Variants in C18orf63 observed in about 807,000 individuals in gnomAD.
C18orf63 encodes the protein chromosome 18 open reading frame 63.
Under a neutral mutation model 75.3 loss-of-function variants are expected in C18orf63, and 50 were observed. The ratio of observed to expected loss-of-function variants is 0.66; its 90% CI spans 0.53 to 0.84. C18orf63 has a LOEUF of 0.84. Among genes scored for constraint, C18orf63 ranks in the 40% least tolerant of loss-of-function variants. The pLI, the probability that C18orf63 is intolerant of heterozygous loss-of-function variation, is 0.00. For synonymous variants in C18orf63, 232 were observed against 267.6 expected (o/e 0.87, Z 1.30); for missense variants, 732 against 800.2 (o/e 0.91, Z 1.03).
intron 8 of C18orf63, among the ~76,000 whole-genome samples, chr18:74,339,978 A>G (rs907769790): frequency 1.3e-5 from 2 of 152,194 alleles, no homozygotes; most frequent in Non-Finnish European, 2.9e-5. Flanking sequence ...GTGAAAAAGC[A>G]CAGACAACAA....
chr18:74,329,748 A>G (rs550935115), intron 6 of C18orf63, among the ~76,000 whole-genome samples: 13 of 152,350 alleles, frequency 8.5e-5, no homozygotes, highest in African/African-American at 3.1e-4. Flanking sequence ...AGAGACACAG[A>G]TGATCTAAAG....
intron 11 of C18orf63, among the ~76,000 whole-genome samples, chr18:74,347,692 G>T (rs1248760972): frequency 6.6e-6 from 1 of 152,164 alleles, no homozygotes; most frequent in Non-Finnish European, 1.5e-5. Context: ...GATTCATGCA[G>T]TGTAAAAGGC....
rs1234378344 is a variant in C18orf63 at position 74,354,263 on chromosome 18, A to T, written c.1996A>T (p.Lys666Ter). The T allele has an allele frequency of 1.3e-6, 2 of 1,503,946 alleles. No homozygotes were observed. The highest frequency in any genetic ancestry group is 2.8e-5 in the African/African-American group (2 of 70,862). The allele number at this position is 1,503,946 out of a possible 1,614,324, so 93.2% of individuals were successfully genotyped here. ...VHYGQSSSSK[K>*]QILDSDKSKL... ...CTATGGCCAATCCAGTTCTTCTAAGAAGCAGGTAAAAAAAAAATTAATCTG... is the reference window on the plus strand; with the variant it reads ...CTATGGCCAATCCAGTTCTTCTAAGTAGCAGGTAAAAAAAAAATTAATCTG... Residue 666 changes from lysine to a stop codon, truncating the protein, a stop_gained, in exon 12 of 14, where the codon AAG becomes TAG. Transcript: ENST00000579455. LOFTEE classifies it high-confidence loss of function.
In C18orf63 at chr18:74,358,752, C is replaced by T. The variant is rs796545182; in HGVS notation, c.*2305C>T. 17 of 152,164 alleles carry T rather than the reference C, an allele frequency of 1.1e-4. No homozygotes were observed. Among genetic ancestry groups the T allele is most frequent in the African/African-American group, 3.4e-4 (14 of 41,540 alleles). The allele number at this position is 152,164 out of a possible 1,614,324, so 9.4% of individuals were successfully genotyped here. ...AGCGATTACTTTAAAAAATATATGGCAATGTCAAAATAAATGCCAAGAATC... is the reference window on the plus strand; with the variant it reads ...AGCGATTACTTTAAAAAATATATGGTAATGTCAAAATAAATGCCAAGAATC... On this transcript the variant is annotated 3_prime_UTR_variant, in exon 14 of 14. Coordinates refer to ENST00000579455, the MANE Select transcript of C18orf63 (RefSeq NM_001174123.2).
chr18:74,327,810 A>G lies in C18orf63; in HGVS notation c.271-137A>G, dbSNP rs17089112. 1,615 of 607,630 alleles carry G rather than the reference A, an allele frequency of 2.7e-3. 24 individuals are homozygous for G. The highest frequency in any genetic ancestry group is 0.026 in the African/African-American group (1,421 of 54,296). The allele number at this position is 607,630 out of a possible 1,614,324, so 37.6% of individuals were successfully genotyped here. On this transcript the variant is annotated intron_variant, in intron 4 of 13. Transcript: ENST00000579455. ...TTTAGAACCAGATGGGATTAGCTCT[A>G]GCAATGGCTATAAGTTTTACCTAGA...
Position 74,342,292 on chromosome 18 carries a change from A to G in C18orf63, c.760A>G (p.Ile254Val), listed in dbSNP as rs1984502055. Residue 254 changes from isoleucine to valine, a missense_variant, in exon 10 of 14, where the codon ATC becomes GTC. This residue lies in a region of C18orf63 where 495 missense variants were observed against 508.7 expected (regional missense o/e 0.97). Transcript: ENST00000579455. ...TGGAAAAATTAAAATATACTGCAACATCTATTTCAAAATGCTCGGAGAAAG... is the reference window on the plus strand; with the variant it reads ...TGGAAAAATTAAAATATACTGCAACGTCTATTTCAAAATGCTCGGAGAAAG... ...DCGKIKIYCN[I>V]YFKMLGERTF... 1 of 1,533,248 alleles carries G rather than the reference A, an allele frequency of 6.5e-7. No homozygotes were observed. Among genetic ancestry groups the G allele is most frequent in the South Asian group, 1.2e-5 (1 of 83,978 alleles). The allele number at this position is 1,533,248 out of a possible 1,614,324, so 95.0% of individuals were successfully genotyped here. A position where few individuals can be genotyped will look rare whatever the true frequency, so the allele number is the denominator to read the frequency against.
At chr18:74,333,305 A>G (rs1472306914) in intron 7 of C18orf63, among the ~76,000 whole-genome samples, 1 of 152,116 alleles carries the variant, frequency 6.6e-6, no homozygotes, top group Non-Finnish European at 1.5e-5. Flanking sequence ...CAGCAGGCCA[A>G]CTCCCAAGAG....
In C18orf63 at chr18:74,338,724, T is replaced by C; in HGVS notation, c.511T>C (p.Phe171Leu). The C allele has an allele frequency of 7.4e-7, 1 of 1,348,030 alleles. No homozygotes were observed. Among genetic ancestry groups the C allele is most frequent in the Non-Finnish European group, 9.7e-7 (1 of 1,030,436 alleles). The allele number at this position is 1,348,030 out of a possible 1,614,324, so 83.5% of individuals were successfully genotyped here. The change falls in exon 8 of 14, where the codon TTT becomes CTT. Residue 171 changes from phenylalanine (F) to leucine (L), a missense_variant. Phe to Leu is a conservative substitution (Grantham distance 22). Transcript: ENST00000579455. ...TTATTTCTATTAAAAGCTAAAAGAG[T>C]TTGAGATTTCCCAGAGTATTATAAA... ...IRLPAPELKE[F>L]EISQSIIKDF...
intron 13 of C18orf63, among the ~76,000 whole-genome samples, chr18:74,355,449 C>A (rs528608618): frequency 9.2e-5 from 14 of 151,772 alleles, no homozygotes; most frequent in Admixed American, 4.6e-4. Context: ...ATAGCACTTT[C>A]CCACTTTGAA....
At chr18:74,317,692 G>T in intron 1 of C18orf63, 142 bp from the exon 2 acceptor site, 1 of 480,084 alleles carries the variant, frequency 2.1e-6, no homozygotes, top group Non-Finnish European at 3.6e-6. Context: ...AAATGGCAGG[G>T]ATACTTAACT....
intron 10 of C18orf63, among the ~76,000 whole-genome samples, chr18:74,342,588 A>G (rs1209899184): frequency 2.6e-5 from 4 of 152,232 alleles, no homozygotes; most frequent in African/African-American, 7.2e-5. Flanking sequence ...AAAAATGTGT[A>G]CTTAGAAAGT....
intron 12 of C18orf63, 52 bp from the exon 13 acceptor site, chr18:74,354,405 G>GT (rs2145134152): frequency 7.9e-7 from 1 of 1,269,830 alleles, no homozygotes; most frequent in Non-Finnish European, 1.1e-6. Context: ...TAGAGCGACT[G>GT]TAAGTCTATG....
chr18:74,354,525 G>C lies in C18orf63; in HGVS notation c.*12G>C. On this transcript the variant is annotated 3_prime_UTR_variant, in exon 13 of 14. Coordinates refer to ENST00000579455, the MANE Select transcript of C18orf63 (RefSeq NM_001174123.2). ...TTCATAATGCTTAGAACATGGACCTGAAAGAAGGAAATGTCTACCAGGTAA... is the reference window on the plus strand; with the variant it reads ...TTCATAATGCTTAGAACATGGACCTCAAAGAAGGAAATGTCTACCAGGTAA... 7.2e-7 allele frequency: 1 copy of C among 1,394,232 alleles called. No homozygotes were observed. The highest frequency in any genetic ancestry group is 9.7e-7 in the Non-Finnish European group (1 of 1,027,816). 86.4% of individuals were successfully genotyped at this position (1,394,232 alleles called of 1,614,324 possible).
chr18:74,338,859 C>G, intron 8 of C18orf63, 35 bp downstream of exon 8: 1 of 880,032 alleles, frequency 1.1e-6, no homozygotes, highest in East Asian at 3.1e-5. Context: ...AGGGTGGGTT[C>G]AAAATATGGT....
intron 7 of C18orf63, among the ~76,000 whole-genome samples, chr18:74,333,908 C>A (rs1338434403): frequency 6.6e-6 from 1 of 152,158 alleles, no homozygotes; most frequent in African/African-American, 2.4e-5. Context: ...TAAATCAATT[C>A]TCTAAATTAT....
intron 8 of C18orf63, among the ~76,000 whole-genome samples, chr18:74,341,684 C>G (rs1323529122): frequency 1.3e-5 from 2 of 151,554 alleles, no homozygotes; most frequent in African/African-American, 2.4e-5. Context: ...GAGACACTGT[C>G]TCAAAAAATA....
chr18:74,336,059 T>C (rs1984386360), intron 7 of C18orf63, among the ~76,000 whole-genome samples: 2 of 152,108 alleles, frequency 1.3e-5, no homozygotes, highest in Admixed American at 1.3e-4. Flanking sequence ...GCATAGTACC[T>C]GGCAGTAGAG....
At chr18:74,343,458 C>T (rs1440213749) in intron 10 of C18orf63, 61 bp from the exon 11 acceptor site, 1 of 1,071,610 alleles carries the variant, frequency 9.3e-7, no homozygotes, top group South Asian at 1.8e-5. Context: ...TTTTTAAAAT[C>T]CCTTATAAAT....
intron 6 of C18orf63, among the ~76,000 whole-genome samples, chr18:74,330,643 C>T (rs935235580): frequency 1.3e-5 from 2 of 151,944 alleles, no homozygotes; most frequent in African/African-American, 4.8e-5. Context: ...GACCTGCACC[C>T]CCCACACACA....
Sources: allele counts gnomAD v4.1 joint callset (sites outside exome capture counted in the v4.1 genomes callset), GRCh38; gene constraint gnomAD v4.1.1; regional missense constraint gnomAD v4.1.1; transcripts MANE v1.5; gene names NCBI Gene and HGNC (gene_info 2026-07-23, HGNC 2026-07-21).